PHTF2: variants seen among roughly 807,000 people sequenced by gnomAD.
The protein encoded by PHTF2 is putative homeodomain transcription factor 2.
Under a neutral mutation model 101.2 loss-of-function variants are expected in PHTF2, and 60 were observed. The ratio of observed to expected loss-of-function variants is 0.59; its 90% CI spans 0.48 to 0.73. PHTF2 has a LOEUF of 0.73. Among genes scored for constraint, PHTF2 ranks in the 30% least tolerant of loss-of-function variants. The pLI, the probability that PHTF2 is intolerant of heterozygous loss-of-function variation, is 0.00. For synonymous variants in PHTF2, 311 were observed against 307.3 expected (o/e 1.01, Z -0.13); for missense variants, 747 against 908.7 (o/e 0.82, Z 2.29).
At chr7:77,807,968 G>A (rs1476163263) in intron 1 of PHTF2, among the ~76,000 whole-genome samples, 1 of 152,058 alleles carries the variant, frequency 6.6e-6, no homozygotes, top group East Asian at 1.9e-4. Context: ...CCTGTTGAGT[G>A]GTCTTGGTAC....
rs1418886485 is a variant in PHTF2 at position 77,802,401 on chromosome 7, AAAG to A, written c.-36+3436_-36+3438del. The stretch of plus-strand genomic sequence containing the variant: ...ACTTTCCCAGTTCAAATTAAGACTC[AAAG>A]AAGAATTCCAAAATGATGGTTGCCA... On this transcript the variant is annotated intron_variant, in intron 1 of 19. Coordinates refer to ENST00000416283, the Ensembl canonical transcript of PHTF2. Among the ~76,000 whole-genome samples the A allele has an allele frequency of 3.9e-5, 6 of 152,326 alleles. No individual in the cohort carries two copies. In the South Asian group the frequency reaches 8.3e-4, roughly 21 times the overall value.
At chr7:77,880,726 G>A (rs1039672690) in intron 3 of PHTF2, among the ~76,000 whole-genome samples, 2 of 152,266 alleles carry the variant, frequency 1.3e-5, no homozygotes, top group Middle Eastern at 3.4e-3. Flanking sequence ...CCATGGTTCT[G>A]CCCCATCTAA....
At chr7:77,879,095 TTTCC>T in intron 3 of PHTF2, among the ~76,000 whole-genome samples, 2 of 152,158 alleles carry the variant, frequency 1.3e-5, no homozygotes, top group Admixed American at 6.6e-5. Flanking sequence ...ATCCAGTGAG[TTTCC>T]TATTCCTGTA....
At chr7:77,840,266 A>C in exon 2 of PHTF2, 1 of 1,609,890 alleles carries the variant, frequency 6.2e-7, no homozygotes, top group East Asian at 2.2e-5. Context: ...ATGGCGTCCA[A>C]AGTCACAGAT....
chr7:77,807,236 T>G lies in PHTF2; in HGVS notation c.-36+8265T>G, dbSNP rs1453484077. Among the ~76,000 whole-genome samples the G allele has an allele frequency of 3.3e-5, 5 of 152,200 alleles. No homozygotes were observed. In the East Asian group the frequency reaches 5.8e-4, roughly 18 times the overall value. On this transcript the variant is annotated intron_variant, in intron 1 of 19. Coordinates refer to ENST00000416283, the Ensembl canonical transcript of PHTF2. ...CTTTGAGACTCTGCTTTCAATTGTTTTGGATATATACACAGAAATGTGATT... is the reference window on the plus strand; with the variant it reads ...CTTTGAGACTCTGCTTTCAATTGTTGTGGATATATACACAGAAATGTGATT...
chr7:77,954,954 G>T, exon 20 of PHTF2: 2 of 746,982 alleles, frequency 2.7e-6, no homozygotes, highest in South Asian at 4.0e-5. Flanking sequence ...GCTTGTCACT[G>T]ATTCTTTGCT....
At chr7:77,898,257 A>G (rs1201560347) in intron 5 of PHTF2, among the ~76,000 whole-genome samples, 1 of 152,186 alleles carries the variant, frequency 6.6e-6, no homozygotes, top group African/African-American at 2.4e-5. Context: ...TAAAAATTTT[A>G]GGTATACAGC....
At chr7:77,928,080 A>G (rs1804224412) in intron 11 of PHTF2, among the ~76,000 whole-genome samples, 1 of 152,202 alleles carries the variant, frequency 6.6e-6, no homozygotes, top group East Asian at 1.9e-4. Flanking sequence ...TATAGCAATG[A>G]AGGTATAAAT....
At chr7:77,940,712 TC>T in intron 15 of PHTF2, 53 bp downstream of exon 14, 11 of 1,273,122 alleles carry the variant, frequency 8.6e-6, no homozygotes, top group Non-Finnish European at 1.2e-5. Context: ...TTCTGATAGT[TC>T]CAGTTTCTTT....
chr7:77,883,376 C>T (rs1020773923), intron 3 of PHTF2, among the ~76,000 whole-genome samples: 1 of 152,004 alleles, frequency 6.6e-6, no homozygotes, highest in Non-Finnish European at 1.5e-5. Context: ...TTCATCATGA[C>T]CACATAATTT....
At chr7:77,857,311 A>G (rs1311526575) in intron 3 of PHTF2, among the ~76,000 whole-genome samples, 1 of 152,204 alleles carries the variant, frequency 6.6e-6, no homozygotes, top group Non-Finnish European at 1.5e-5. Flanking sequence ...CCCAGAGGTC[A>G]TGAATAGGAA....
intron 3 of PHTF2, among the ~76,000 whole-genome samples, chr7:77,873,354 C>A (rs1295466797): frequency 2.0e-5 from 3 of 152,176 alleles, no homozygotes; most frequent in African/African-American, 7.2e-5. Flanking sequence ...CCCTTAACAT[C>A]CATTCCCATG....
At chr7:77,881,417 A>G (rs1039744671) in intron 3 of PHTF2, among the ~76,000 whole-genome samples, 1 of 152,052 alleles carries the variant, frequency 6.6e-6, no homozygotes, top group Non-Finnish European at 1.5e-5. Context: ...ATAACATCCA[A>G]ACACCCAGTT....
At chr7:77,943,152 C>T (rs533245813) in intron 16 of PHTF2, among the ~76,000 whole-genome samples, 4 of 152,258 alleles carry the variant, frequency 2.6e-5, no homozygotes, top group South Asian at 4.1e-4. Context: ...GATGGAGTCT[C>T]GCTCTGTCGC....
intron 1 of PHTF2, among the ~76,000 whole-genome samples, chr7:77,812,188 A>C (rs1793494210): frequency 6.6e-6 from 1 of 152,220 alleles, no homozygotes; most frequent in South Asian, 2.1e-4. Flanking sequence ...AGTCTGGAAA[A>C]AGATTAATGA....
chr7:77,856,340 T>A (rs977409401), intron 3 of PHTF2, among the ~76,000 whole-genome samples: 3 of 151,970 alleles, frequency 2.0e-5, no homozygotes, highest in South Asian at 2.1e-4. Context: ...AATAAATTTT[T>A]AAAAATTTTT....
intron 9 of PHTF2, among the ~76,000 whole-genome samples, chr7:77,912,200 A>G (rs1485917927): frequency 2.0e-5 from 3 of 152,348 alleles, no homozygotes; most frequent in African/African-American, 4.8e-5. Context: ...GTGGCTGTCC[A>G]TTATAGTGGC....
In PHTF2 at chr7:77,901,714, A is replaced by C. The variant is rs1469371982; in HGVS notation, c.287-48A>C. On this transcript the variant is annotated intron_variant, in intron 6 of 19. Transcript: ENST00000416283. ...GAAATTTTTTTCTTTAAAGAAATTA[A>C]AGAATAATATATAAATATACTCTGT... The C allele has an allele frequency of 6.5e-6, 7 of 1,075,248 alleles. No homozygotes were observed. In the South Asian group the frequency reaches 2.4e-4, roughly 37 times the overall value. 66.6% of individuals were successfully genotyped at this position (1,075,248 alleles called of 1,614,324 possible).
chr7:77,870,247 G>GTTT (rs35903374), intron 3 of PHTF2, among the ~76,000 whole-genome samples: 1 of 132,410 alleles, frequency 7.6e-6, no homozygotes, highest in Non-Finnish European at 1.7e-5. Context: ...AATCCATTTT[G>GTTT]TTTTTTTTTT....
Sources: gnomAD v4.1 joint callset for allele counts (sites outside exome capture counted in the v4.1 genomes callset) on GRCh38, gnomAD v4.1.1 for gene constraint, MANE v1.5 for transcripts, NCBI Gene and HGNC (gene_info 2026-07-23, HGNC 2026-07-21) for gene names.